The following AAGAB variants were observed in gnomAD, a reference collection of about 807,000 sequenced individuals.
The protein encoded by AAGAB is alpha and gamma adaptin binding protein, also known as alpha- and gamma-adaptin-binding protein p34.
In AAGAB, 38 loss-of-function variants were observed where a neutral mutation model predicts 44.1. The observed-to-expected ratio is 0.86, with a 90% CI of 0.67 to 1.13. The LOEUF (loss-of-function observed/expected upper bound fraction) is 1.13, where lower values mean the gene tolerates loss of function less well. Ranked by LOEUF, AAGAB falls within the 50% of genes most tolerant of loss-of-function variation. The probability of loss-of-function intolerance (pLI) is 0.00; values close to 1 mark genes in which losing one functional copy is unlikely to be tolerated. For missense variants in AAGAB, 450 were observed against 373.8 expected (o/e 1.20, Z -1.68); for synonymous variants, 131 against 131.8 (o/e 0.99, Z 0.04).
intron 5 of AAGAB, among the ~76,000 whole-genome samples, chr15:67,228,582 T>C (rs1964259470): frequency 6.6e-6 from 1 of 152,200 alleles, no homozygotes; most frequent in African/African-American, 2.4e-5. Flanking sequence ...CTCAAAGAAC[T>C]TAAAATAGAA....
At chr15:67,209,577 T>C (rs1170177496) in intron 5 of AAGAB, 33 bp from the exon 6 acceptor site, 1 of 1,549,092 alleles carries the variant, frequency 6.5e-7, no homozygotes, top group East Asian at 2.2e-5. Flanking sequence ...GTGAAATTTG[T>C]CATTTACATT....
intron 1 of AAGAB, among the ~76,000 whole-genome samples, chr15:67,239,977 G>A (rs1012947670): frequency 3.0e-4 from 46 of 152,218 alleles, no homozygotes; most frequent in African/African-American, 1.1e-3. Context: ...AATAGGAGCA[G>A]AGCCTAAAAC....
upstream of AAGAB, chr15:67,255,070 G>A: frequency 1.0e-6 from 1 of 963,538 alleles, no homozygotes; most frequent in East Asian, 2.6e-5. Flanking sequence ...CCTCCAACTC[G>A]CGAGAGGCTC....
chr15:67,236,341 G>A, intron 3 of AAGAB, 67 bp downstream of exon 3: 1 of 1,422,888 alleles, frequency 7.0e-7, no homozygotes. Context: ...TAAAGAAACA[G>A]ATGTACTCTG....
rs181774956 is a variant in AAGAB at position 67,246,612 on chromosome 15, T to A, written c.73+7947A>T. 5.9e-3 allele frequency among the ~76,000 whole-genome samples: 898 copies of A among 152,258 alleles called. 10 individuals carry two copies. The highest frequency in any genetic ancestry group is 0.021 in the African/African-American group (864 of 41,532). ...CTTCCTGGGTCGAGTGGGGACTAGCTAAAGGATTGTAAACACACCAATCAG... is the reference window on the plus strand; with the variant it reads ...CTTCCTGGGTCGAGTGGGGACTAGCAAAAGGATTGTAAACACACCAATCAG... On this transcript the variant is annotated intron_variant, in intron 1 of 9. Transcript: ENST00000261880.
intron 5 of AAGAB, among the ~76,000 whole-genome samples, chr15:67,218,281 C>CA (rs1279110533): frequency 2.0e-5 from 3 of 152,218 alleles, no homozygotes; most frequent in Non-Finnish European, 4.4e-5. Flanking sequence ...ACTGAATACT[C>CA]AAGAGTTACC....
intron 5 of AAGAB, among the ~76,000 whole-genome samples, chr15:67,220,145 G>A (rs1216250848): frequency 1.3e-5 from 2 of 152,146 alleles, no homozygotes; most frequent in Non-Finnish European, 2.9e-5. Context: ...TGCAAAGACC[G>A]TGGGATAAAG....
chr15:67,233,079 C>T (rs1964378546), intron 4 of AAGAB, among the ~76,000 whole-genome samples: 1 of 152,208 alleles, frequency 6.6e-6, no homozygotes, highest in Non-Finnish European at 1.5e-5. Flanking sequence ...CCAATCTACA[C>T]AGAATGAGTT....
intron 1 of AAGAB, among the ~76,000 whole-genome samples, chr15:67,238,808 G>A (rs1416616232): frequency 2.0e-5 from 3 of 151,200 alleles, no homozygotes; most frequent in African/African-American, 4.9e-5. Context: ...CCATTCTCCT[G>A]CCTCAGCCTC....
chr15:67,242,030 G>C (rs1490522478), intron 1 of AAGAB, among the ~76,000 whole-genome samples: 2 of 152,180 alleles, frequency 1.3e-5, no homozygotes, highest in African/African-American at 4.8e-5. Flanking sequence ...GAAAGGAAAA[G>C]TAGCTATTAT....
chr15:67,208,527 A>C, intron 7 of AAGAB, 35 bp downstream of exon 7: 1 of 1,585,586 alleles, frequency 6.3e-7, no homozygotes, highest in African/African-American at 1.3e-5. Flanking sequence ...CAAGTTGCAC[A>C]AAGCTCTCTC....
At chr15:67,235,058 ACGTTGGT>A (rs938448079) in intron 4 of AAGAB, among the ~76,000 whole-genome samples, 1 of 152,230 alleles carries the variant, frequency 6.6e-6, no homozygotes, top group African/African-American at 2.4e-5. Flanking sequence ...ACTTTAATTC[ACGTTGGT>A]TGCCCCTGCC....
intron 5 of AAGAB, among the ~76,000 whole-genome samples, chr15:67,222,246 A>ATG (rs1567021013): frequency 1.1e-5 from 1 of 87,350 alleles, no homozygotes; most frequent in Non-Finnish European, 2.3e-5. Flanking sequence ...GCGCGCGCAC[A>ATG]CACACACACA....
At position 67,254,659 on chromosome 15, in the gene AAGAB, G is replaced by A. The variant is rs746039568; in HGVS notation, c.-28C>T. On this transcript the variant is annotated 5_prime_UTR_variant, in exon 1 of 10. Transcript: ENST00000261880. ...CTGCGCTCGCGAGCCGGTTCCGTCA[G>A]GCAGCCGCTTCCGCCTTGGGCTGCA... The A allele has an allele frequency of 5.3e-5, 85 of 1,595,300 alleles. No individual in the cohort carries two copies. The highest frequency in any genetic ancestry group is 7.1e-5 in the Non-Finnish European group (83 of 1,172,038).
At chr15:67,246,290 G>A (rs1434553107) in intron 1 of AAGAB, among the ~76,000 whole-genome samples, 3 of 151,776 alleles carry the variant, frequency 2.0e-5, no homozygotes, top group South Asian at 2.1e-4. Context: ...GGGTCGGGGG[G>A]CTGAGGCAGG....
At chr15:67,222,822 C>T (rs1483239543) in intron 5 of AAGAB, among the ~76,000 whole-genome samples, 2 of 152,188 alleles carry the variant, frequency 1.3e-5, no homozygotes, top group East Asian at 3.8e-4. Flanking sequence ...TTCTCTCCAG[C>T]TCTCACCTAT....
chr15:67,247,676 A>G (rs1964760087), intron 1 of AAGAB, among the ~76,000 whole-genome samples: 1 of 152,228 alleles, frequency 6.6e-6, no homozygotes, highest in African/African-American at 2.4e-5. Context: ...CACATCAACA[A>G]TATCTAAAAG....
At chr15:67,212,428 A>G (rs1963846599) in intron 5 of AAGAB, among the ~76,000 whole-genome samples, 1 of 152,234 alleles carries the variant, frequency 6.6e-6, no homozygotes, top group African/African-American at 2.4e-5. Flanking sequence ...AAGTCAAAAT[A>G]GTAGGAAGAA....
intron 5 of AAGAB, among the ~76,000 whole-genome samples, chr15:67,218,528 C>A (rs1964001436): frequency 6.6e-6 from 1 of 152,234 alleles, no homozygotes; most frequent in Non-Finnish European, 1.5e-5. Context: ...CCAACTCTTA[C>A]TTACCCAGTG....
Sources: allele counts gnomAD v4.1 joint callset (sites outside exome capture counted in the v4.1 genomes callset), GRCh38; gene constraint gnomAD v4.1.1; transcripts MANE v1.5; gene names NCBI Gene and HGNC (gene_info 2026-07-23, HGNC 2026-07-21).